Variants in XKR4 observed in about 807,000 individuals in gnomAD.
XKR4 encodes the protein XK related 4.
In XKR4, 12 loss-of-function variants were observed where a neutral mutation model predicts 53.9. That is an observed-to-expected ratio of 0.22 (90% CI 0.14 to 0.36). The LOEUF (loss-of-function observed/expected upper bound fraction) is 0.36, where lower values mean the gene tolerates loss of function less well. Among genes scored for constraint, XKR4 ranks in the 10% least tolerant of loss-of-function variants. The pLI, the probability that XKR4 is intolerant of heterozygous loss-of-function variation, is 1.00. For synonymous variants in XKR4, 354 were observed against 362.4 expected, an observed-to-expected ratio of 0.98 and a Z score of 0.26; for missense variants, 799 against 859.5, an observed-to-expected ratio of 0.93 and a Z score of 0.88.
chr8:55,401,763 C>G (rs1204475889), intron 2 of XKR4, among the ~76,000 whole-genome samples: 1 of 152,154 alleles, frequency 6.6e-6, no homozygotes, highest in Non-Finnish European at 1.5e-5. Context: ...CTCAAAGATC[C>G]CTGAAGGACC....
At chr8:55,388,884 T>C (rs188423032) in intron 2 of XKR4, among the ~76,000 whole-genome samples, 37 of 152,346 alleles carry the variant, frequency 2.4e-4, no homozygotes, top group Admixed American at 1.5e-3. Flanking sequence ...AGACTTCTGT[T>C]ATGGGTTGAA....
rs146536340 is a variant in XKR4 at position 55,451,139 on chromosome 8, C to T, written c.1007-72142C>T. 810 of 519,046 alleles carry T rather than the reference C, an allele frequency of 1.6e-3. 5 individuals are homozygous for T. The highest frequency in any genetic ancestry group is 0.015 in the African/African-American group (757 of 51,490). 32.2% of individuals were successfully genotyped at this position (519,046 alleles called of 1,614,324 possible). ...GGATGTAGAGGGCTGCTTGCTGTGGCCACAGGAAGCCCGGGTCGGGGGCCG... is the reference window on the plus strand; with the variant it reads ...GGATGTAGAGGGCTGCTTGCTGTGGTCACAGGAAGCCCGGGTCGGGGGCCG... On this transcript the variant is annotated intron_variant, in intron 2 of 2. Coordinates refer to ENST00000327381, the MANE Select transcript of XKR4 (RefSeq NM_052898.2).
chr8:55,439,214 G>T (rs1805229331), intron 2 of XKR4, among the ~76,000 whole-genome samples: 1 of 152,210 alleles, frequency 6.6e-6, no homozygotes, highest in African/African-American at 2.4e-5. Flanking sequence ...ACCATGGGTT[G>T]ATTTTTATCC....
At chr8:55,213,856 C>CTTTT (rs11433893) in intron 1 of XKR4, among the ~76,000 whole-genome samples, 1,131 of 82,404 alleles carry the variant, frequency 0.014, 7 homozygotes, top group African/African-American at 0.033. Flanking sequence ...TTCTTTCTTT[C>CTTTT]TTTTTTTTTT....
intron 2 of XKR4, among the ~76,000 whole-genome samples, chr8:55,441,474 G>C (rs1805265344): frequency 6.6e-6 from 1 of 152,054 alleles, no homozygotes. Flanking sequence ...GAAGTATATA[G>C]AATATTTGAA....
intron 1 of XKR4, among the ~76,000 whole-genome samples, chr8:55,114,305 T>C (rs896821668): frequency 1.3e-5 from 2 of 152,198 alleles, no homozygotes; most frequent in Non-Finnish European, 2.9e-5. Context: ...TGATTTTAAT[T>C]TGCATTTCTC....
At chr8:55,285,787 T>A (rs1818900152) in intron 1 of XKR4, among the ~76,000 whole-genome samples, 1 of 152,166 alleles carries the variant, frequency 6.6e-6, no homozygotes, top group South Asian at 2.1e-4. Flanking sequence ...ATAGCCAAGT[T>A]CTATGGGCCC....
intron 1 of XKR4, among the ~76,000 whole-genome samples, chr8:55,152,997 G>C (rs902914415): frequency 3.3e-5 from 5 of 152,160 alleles, no homozygotes; most frequent in African/African-American, 1.2e-4. Context: ...AAATGGAGAA[G>C]CACTAGAGGC....
intron 1 of XKR4, chr8:55,135,604 T>A (rs1274394479): frequency 4.4e-6 from 2 of 456,250 alleles, no homozygotes; most frequent in Admixed American, 4.7e-5. Context: ...TCATCGGAGC[T>A]GTCTACTGAG....
At chr8:55,421,110 CTTTA>C (rs1804922247) in intron 2 of XKR4, among the ~76,000 whole-genome samples, 1 of 152,200 alleles carries the variant, frequency 6.6e-6, no homozygotes, top group Admixed American at 6.5e-5. Flanking sequence ...CAAGCCCTTG[CTTTA>C]TTTCTCTCTT....
intron 1 of XKR4, among the ~76,000 whole-genome samples, chr8:55,151,876 T>C (rs1411212643): frequency 6.6e-6 from 1 of 152,184 alleles, no homozygotes; most frequent in African/African-American, 2.4e-5. Flanking sequence ...ATTTGACCAA[T>C]TTAGCCATTT....
chr8:55,352,523 G>A (rs959768472), intron 1 of XKR4, among the ~76,000 whole-genome samples: 2 of 152,228 alleles, frequency 1.3e-5, no homozygotes, highest in East Asian at 3.8e-4. Context: ...TGGATTCAAT[G>A]TATGTCACAG....
chr8:55,385,563 A>G (rs1247958197), intron 2 of XKR4, among the ~76,000 whole-genome samples: 1 of 152,236 alleles, frequency 6.6e-6, no homozygotes, highest in Non-Finnish European at 1.5e-5. Context: ...ATATCTACTG[A>G]ATAAGTGAAT....
rs761963241 is a variant in XKR4 at position 55,283,190 on chromosome 8, TATC to T, written c.807-74481_807-74479del. Among the ~76,000 whole-genome samples the T allele has an allele frequency of 5.8e-4, 88 of 152,370 alleles. 2 individuals are homozygous for T. In the Middle Eastern group the frequency reaches 0.02, roughly 35 times the overall value. ...GCCTAATGATGCAATTCTCAGAACA[TATC>T]ATCATCGTTAAGTGATGCATGACTG... On this transcript the variant is annotated intron_variant, in intron 1 of 2. Coordinates refer to ENST00000327381, the MANE Select transcript of XKR4 (RefSeq NM_052898.2).
At chr8:55,261,345 C>T (rs1383467489) in intron 1 of XKR4, among the ~76,000 whole-genome samples, 1 of 152,204 alleles carries the variant, frequency 6.6e-6, no homozygotes, top group African/African-American at 2.4e-5. Flanking sequence ...ATAGATCTAA[C>T]TAGCTCTAAC....
chr8:55,521,240 G>T (rs1190682526), intron 2 of XKR4, among the ~76,000 whole-genome samples: 1 of 152,218 alleles, frequency 6.6e-6, no homozygotes, highest in Non-Finnish European at 1.5e-5. Context: ...GATATGAGCG[G>T]CTTCTATGCC....
chr8:55,421,712 G>A (rs183701447), intron 2 of XKR4, among the ~76,000 whole-genome samples: 1 of 152,304 alleles, frequency 6.6e-6, no homozygotes, highest in African/African-American at 2.4e-5. Flanking sequence ...AGGCTAAATT[G>A]CAATTCCTCC....
chr8:55,216,455 T>C (rs1817799740), intron 1 of XKR4, among the ~76,000 whole-genome samples: 1 of 152,154 alleles, frequency 6.6e-6, no homozygotes. Context: ...AGACCGGGCA[T>C]GGTGGCTCAC....
chr8:55,254,004 G>A (rs62517056), intron 1 of XKR4, among the ~76,000 whole-genome samples: 35,835 of 151,734 alleles, frequency 0.24, 4,683 homozygotes, highest in East Asian at 0.48. Context: ...ATAGGCGCGA[G>A]CCACTGTGCC....
Sources: allele counts gnomAD v4.1 joint callset (sites outside exome capture counted in the v4.1 genomes callset), GRCh38; gene constraint gnomAD v4.1.1; transcripts MANE v1.5; gene names NCBI Gene and HGNC (gene_info 2026-07-23, HGNC 2026-07-21).